NALCN: variants seen among roughly 807,000 people sequenced by gnomAD.
NALCN encodes the protein sodium leak channel NALCN.
Under a neutral mutation model 225.3 loss-of-function variants are expected in NALCN, and 111 were observed. The observed-to-expected ratio is 0.49, with a 90% CI of 0.42 to 0.58. The LOEUF (loss-of-function observed/expected upper bound fraction) is 0.58, where lower values mean the gene tolerates loss of function less well. Among genes scored for constraint, NALCN ranks in the 20% least tolerant of loss-of-function variants. The pLI is 0.00. For synonymous variants in NALCN, 764 were observed against 769.0 expected (o/e 0.99, Z 0.11); for missense variants, 1,378 against 2,202.4 (o/e 0.63, Z 7.49).
In NALCN at chr13:101,292,378, G is replaced by A. The variant is rs375747960; in HGVS notation, c.800-12C>T. ...GAATATACTAGTTCCTGTCATGACA[G>A]AGGAGGACAGACTGAGTCACAGCTG... is the stretch of plus-strand genomic sequence containing the variant. On this transcript the variant is annotated splice_polypyrimidine_tract_variant and intron_variant, in intron 7 of 43. Coordinates refer to ENST00000251127, the MANE Select transcript of NALCN (RefSeq NM_052867.4). This position sits in a 1 kb window ranked among gnomAD's most constrained non-coding sequence, Gnocchi z 4.3. The A allele has an allele frequency of 8.1e-6, 13 of 1,607,216 alleles. No homozygotes were observed. In the East Asian group the frequency reaches 1.3e-4, roughly 17 times the overall value.
chr13:101,293,704 AT>A (rs2043632461), intron 7 of NALCN, among the ~76,000 whole-genome samples: 1 of 152,190 alleles, frequency 6.6e-6, no homozygotes, highest in Admixed American at 6.5e-5. Flanking sequence ...ACACCAAGGC[AT>A]GCAGAACAGA....
chr13:101,250,470 T>C (rs951167628), intron 11 of NALCN, among the ~76,000 whole-genome samples: 9 of 151,986 alleles, frequency 5.9e-5, no homozygotes, highest in African/African-American at 2.2e-4. Context: ...ATTGTGCACA[T>C]GTGTAAACCT....
At position 101,149,246 on chromosome 13, in the gene NALCN, T is replaced by C. The variant is rs530750672; in HGVS notation, c.1840-4350A>G. Among the ~76,000 whole-genome samples, 119 of 150,972 alleles carry C rather than the reference T, an allele frequency of 7.9e-4. 1 individual carries two copies. The highest frequency in any genetic ancestry group is 1.4e-3 in the Admixed American group (21 of 15,178). ...AGGTGGAGCTTACAGTGAGCCAAGA[T>C]TGTGCCACTGCACTCCAGCCTGGGG... is the stretch of plus-strand genomic sequence containing the variant. On this transcript the variant is annotated intron_variant, in intron 15 of 43. Coordinates refer to ENST00000251127, the MANE Select transcript of NALCN (RefSeq NM_052867.4).
chr13:101,073,539 T>G lies in NALCN; in HGVS notation c.4197+45A>C, dbSNP rs2033043530. 2.7e-6 allele frequency: 4 copies of G among 1,497,876 alleles called. No homozygotes were observed. The South Asian group carries it at 4.8e-5, about 18-fold the overall frequency. The allele number at this position is 1,497,876 out of a possible 1,614,324, so 92.8% of individuals were successfully genotyped here. On this transcript the variant is annotated intron_variant, in intron 37 of 43. Coordinates refer to ENST00000251127, the MANE Select transcript of NALCN (RefSeq NM_052867.4). ...CCAACATTGTGTTGCAAGAGTTTCA[T>G]GCTGATTCTAAGTCTAAGCCTTGTT...
intron 6 of NALCN, among the ~76,000 whole-genome samples, chr13:101,351,959 T>G (rs1402224380): frequency 6.6e-6 from 1 of 152,240 alleles, no homozygotes; most frequent in Non-Finnish European, 1.5e-5. Context: ...GTTGGCCTTC[T>G]GTAATCACTG....
At chr13:101,079,189 A>G (rs945951668) in intron 34 of NALCN, among the ~76,000 whole-genome samples, 29 of 152,332 alleles carry the variant, frequency 1.9e-4, no homozygotes, top group Admixed American at 5.2e-4. Flanking sequence ...GAAGGGACTA[A>G]TACAAATTTT....
intron 13 of NALCN, among the ~76,000 whole-genome samples, chr13:101,196,095 G>A (rs2039879296): frequency 6.6e-6 from 1 of 151,958 alleles, no homozygotes; most frequent in African/African-American, 2.4e-5. Flanking sequence ...AGGTTAAATG[G>A]AACCTTCCTT....
intron 10 of NALCN, among the ~76,000 whole-genome samples, chr13:101,273,884 C>CAAAAAA (rs34847260): frequency 2.3e-3 from 213 of 94,592 alleles, no homozygotes; most frequent in Middle Eastern, 5.4e-3. Flanking sequence ...GACTCCATCT[C>CAAAAAA]AAAAAAAAAA....
chr13:101,181,163 G>A (rs1328802995), intron 14 of NALCN: 1 of 518,748 alleles, frequency 1.9e-6, no homozygotes. Context: ...ATGCCAAGGA[G>A]AAGACTGATT....
intron 43 of NALCN, chr13:101,057,310 A>G (rs2031384471): frequency 6.5e-6 from 1 of 153,654 alleles, no homozygotes; most frequent in Non-Finnish European, 1.4e-5. Flanking sequence ...AGAAGCTCAT[A>G]GAAGAAAATT....
rs1334706899 is a variant in NALCN, at chr13:101,054,832, A to G, written c.*463T>C. ...ATAAGTTCAGTGCTGACCTTTTCAG[A>G]TCAATCATAAATAATAAATTCTCTC... On this transcript the variant is annotated 3_prime_UTR_variant, in exon 44 of 44. Transcript: ENST00000251127. The G allele has an allele frequency of 6.5e-6, 1 of 152,938 alleles. No individual in the cohort carries two copies. Among genetic ancestry groups the G allele is most frequent in the African/African-American group, 2.4e-5 (1 of 41,590 alleles). The allele number at this position is 152,938 out of a possible 1,614,324, so 9.5% of individuals were successfully genotyped here.
At chr13:101,178,156 A>G (rs1209128315) in intron 14 of NALCN, among the ~76,000 whole-genome samples, 2 of 152,274 alleles carry the variant, frequency 1.3e-5, no homozygotes, top group South Asian at 2.1e-4. Flanking sequence ...ACAGAAAGTA[A>G]TATCAGAGGC....
chr13:101,393,853 T>G (rs1056817465), intron 3 of NALCN, among the ~76,000 whole-genome samples: 2 of 152,140 alleles, frequency 1.3e-5, no homozygotes, highest in East Asian at 3.9e-4. Flanking sequence ...AAACCTTGTC[T>G]GAGTCTTGAG....
chr13:101,055,578 T>C, intron 43 of NALCN, 90 bp from the exon 44 acceptor site: 1 of 1,148,820 alleles, frequency 8.7e-7, no homozygotes, highest in Non-Finnish European at 1.2e-6. Context: ...CCATCAGTGA[T>C]ACTTTTGGCT....
In NALCN at chr13:101,081,582, T is replaced by C. The variant is rs767879549; in HGVS notation, c.3830A>G (p.Asp1277Gly). The change falls in exon 34 of 44, where the codon GAT (aspartate) becomes GGT (glycine). Residue 1277 changes from aspartate to glycine, a missense_variant. Around this residue, in one of 19 missense-constraint regions of NALCN, gnomAD observed 98 missense variants for 156.6 expected, o/e 0.63. Coordinates refer to ENST00000251127, the MANE Select transcript of NALCN (RefSeq NM_052867.4). ...GFWQSRRNRY[D>G]LLVTSLGVVW... Reference sequence around the variant, plus strand: ...AACGCCAAGCGACGTCACCAGGAGATCGTATCGGTTTCTTCTGCTTTGCCA... The same window carrying C: ...AACGCCAAGCGACGTCACCAGGAGACCGTATCGGTTTCTTCTGCTTTGCCA... The C allele has an allele frequency of 6.2e-7, 1 of 1,614,072 alleles. No homozygotes were observed. Among genetic ancestry groups the C allele is most frequent in the Non-Finnish European group, 8.5e-7 (1 of 1,179,984 alleles).
chr13:101,087,816 T>C (rs900559149), intron 30 of NALCN, among the ~76,000 whole-genome samples: 2 of 152,206 alleles, frequency 1.3e-5, no homozygotes, highest in African/African-American at 4.8e-5. Flanking sequence ...TGTTGTTCTA[T>C]GTATGTTGCT....
chr13:101,068,070 A>G (rs781016594), intron 38 of NALCN, 37 bp from the exon 39 acceptor site: 5 of 1,231,512 alleles, frequency 4.1e-6, no homozygotes, highest in Non-Finnish European at 5.8e-6. Context: ...TTAGACCATT[A>G]TGCTAATCTG....
intron 18 of NALCN, among the ~76,000 whole-genome samples, chr13:101,115,144 G>A (rs1178078002): frequency 1.3e-5 from 2 of 152,008 alleles, no homozygotes; most frequent in Non-Finnish European, 2.9e-5. Context: ...AACAGCATGT[G>A]TTTAAAATAT....
chr13:101,187,966 C>A (rs777044717), intron 14 of NALCN, among the ~76,000 whole-genome samples: 3 of 152,048 alleles, frequency 2.0e-5, no homozygotes, highest in Non-Finnish European at 4.4e-5. Flanking sequence ...AGGTGGTGGG[C>A]TGGATTTGGT....
Sources: allele counts gnomAD v4.1 joint callset (sites outside exome capture counted in the v4.1 genomes callset), GRCh38; gene constraint gnomAD v4.1.1; regional missense constraint gnomAD v4.1.1; non-coding constraint Gnocchi (gnomAD v3.1); transcripts MANE v1.5; gene names NCBI Gene and HGNC (gene_info 2026-07-23, HGNC 2026-07-21).